Variants in KIRREL3 observed in about 807,000 individuals in gnomAD.
KIRREL3 encodes the protein kirre like nephrin family adhesion molecule 3, also known as kin of IRRE-like protein 3.
KIRREL3 carries 36 observed loss-of-function variants against 89.7 expected under a neutral mutation model. The ratio of observed to expected loss-of-function variants is 0.40; its 90% CI spans 0.31 to 0.53. The LOEUF is 0.53. Among genes scored for constraint, KIRREL3 ranks in the 20% least tolerant of loss-of-function variants. The pLI is 0.49. For missense variants in KIRREL3, 864 were observed against 1,056.6 expected (o/e 0.82, Z 2.53); for synonymous variants, 445 against 441.4 (o/e 1.01, Z -0.10).
At position 126,498,770 on chromosome 11, in the gene KIRREL3, G is replaced by A. The variant is rs1957756783; in HGVS notation, c.433+22545C>T. Among the ~76,000 whole-genome samples, 1 of 152,184 alleles carries A rather than the reference G, an allele frequency of 6.6e-6. No individual in the cohort carries two copies. Among genetic ancestry groups the A allele is most frequent in the African/African-American group, 2.4e-5 (1 of 41,440 alleles). On this transcript the variant is annotated intron_variant, in intron 4 of 16. Transcript: ENST00000525144. The surrounding 1 kb of genome is among the most constrained non-coding windows in gnomAD (Gnocchi z 4.3). Reference sequence around the variant, plus strand: ...GGAGCACCTTCCCTTCTGCACCTAAGGTTGAGTCCCCCTCCCACAGGAGCA... The same window carrying A: ...GGAGCACCTTCCCTTCTGCACCTAAAGTTGAGTCCCCCTCCCACAGGAGCA...
chr11:126,659,066 T>G (rs1171037910), intron 1 of KIRREL3, among the ~76,000 whole-genome samples: 1 of 152,230 alleles, frequency 6.6e-6, no homozygotes, highest in African/African-American at 2.4e-5. Context: ...GTTAGCTAAT[T>G]GCTCTAGTCT....
intron 1 of KIRREL3, among the ~76,000 whole-genome samples, chr11:126,799,370 CTG>C (rs145271358): frequency 5.6e-4 from 4 of 7,206 alleles, no homozygotes; most frequent in East Asian, 3.4e-3. Flanking sequence ...ATCTGTGTAT[CTG>C]TGTGTGCATG....
At chr11:126,952,650 C>T (rs942615127) in intron 1 of KIRREL3, among the ~76,000 whole-genome samples, 2 of 152,136 alleles carry the variant, frequency 1.3e-5, no homozygotes, top group Admixed American at 1.3e-4. Flanking sequence ...TTTGCCCATG[C>T]CTATGTCCTG....
chr11:126,794,561 T>G (rs1169249813), intron 1 of KIRREL3, among the ~76,000 whole-genome samples: 1 of 152,248 alleles, frequency 6.6e-6, no homozygotes, highest in Non-Finnish European at 1.5e-5. Flanking sequence ...AATATTGATT[T>G]GTATTACAAA....
At chr11:126,857,141 A>G (rs1344608720) in intron 1 of KIRREL3, among the ~76,000 whole-genome samples, 1 of 152,190 alleles carries the variant, frequency 6.6e-6, no homozygotes, top group Non-Finnish European at 1.5e-5. Context: ...CATACACTGA[A>G]GGACATGAAG....
At position 126,628,797 on chromosome 11, in the gene KIRREL3, C is replaced by A. The variant is rs926481762; in HGVS notation, c.56-65885G>T. On this transcript the variant is annotated intron_variant, in intron 1 of 16. Coordinates refer to ENST00000525144, the MANE Select transcript of KIRREL3 (RefSeq NM_032531.4). The surrounding 1 kb of genome is among the most constrained non-coding windows in gnomAD (Gnocchi z 5.2). The stretch of plus-strand genomic sequence containing the variant: ...GCTACCTGGAGCCAGGGCCTCGCCT[C>A]TACTGCCCCCTCCGCTCGCTCTGCC... 2.0e-5 allele frequency among the ~76,000 whole-genome samples: 3 copies of A among 152,196 alleles called. No homozygotes were observed. The highest frequency in any genetic ancestry group is 2.1e-4 in the South Asian group (1 of 4,832).
Position 126,740,942 on chromosome 11 carries a change from A to G in KIRREL3, c.56-178030T>C, listed in dbSNP as rs148452629. Reference sequence around the variant, plus strand: ...TGACAAGGTTCTTGGAAATATCATCAGATAGTGCTTACTTTGGGGCTGAGT... The same window carrying G: ...TGACAAGGTTCTTGGAAATATCATCGGATAGTGCTTACTTTGGGGCTGAGT... On this transcript the variant is annotated intron_variant, in intron 1 of 16. Coordinates refer to ENST00000525144, the MANE Select transcript of KIRREL3 (RefSeq NM_032531.4). The surrounding 1 kb of genome is among the most constrained non-coding windows in gnomAD (Gnocchi z 6.0). Among the ~76,000 whole-genome samples the G allele has an allele frequency of 4.1e-3, 621 of 152,276 alleles. 4 individuals carry two copies. The highest frequency in any genetic ancestry group is 0.015 in the African/African-American group (603 of 41,544).
intron 1 of KIRREL3, among the ~76,000 whole-genome samples, chr11:126,810,729 A>G (rs1951356707): frequency 6.6e-6 from 1 of 152,172 alleles, no homozygotes. Context: ...GGCTTATAAA[A>G]TGGGCATCTG....
At position 126,723,502 on chromosome 11, in the gene KIRREL3, C is replaced by T. The variant is rs1948259898; in HGVS notation, c.56-160590G>A. On this transcript the variant is annotated intron_variant, in intron 1 of 16. Transcript: ENST00000525144. This position sits in a 1 kb window ranked among gnomAD's most constrained non-coding sequence, Gnocchi z 4.0. The stretch of plus-strand genomic sequence containing the variant: ...CTGTGGCATCATTAAGCAGCTGGTG[C>T]CAACATTTACCTCACACCTCCCTTA... Among the ~76,000 whole-genome samples, 1 of 152,182 alleles carries T rather than the reference C, an allele frequency of 6.6e-6. No homozygotes were observed. The highest frequency in any genetic ancestry group is 1.5e-5 in the Non-Finnish European group (1 of 68,034).
chr11:126,958,377 C>A (rs761110613), intron 1 of KIRREL3, among the ~76,000 whole-genome samples: 10 of 152,208 alleles, frequency 6.6e-5, no homozygotes, highest in Non-Finnish European at 1.3e-4. Context: ...CATTTGAGCC[C>A]AACTCCCATC....
chr11:127,000,245 C>T lies in KIRREL3; in HGVS notation c.55+210G>A, dbSNP rs1761172211. On this transcript the variant is annotated intron_variant, in intron 1 of 16. Transcript: ENST00000525144. The surrounding 1 kb of genome is among the most constrained non-coding windows in gnomAD (Gnocchi z 7.1). ...GGAGAAAGTCATTCCCCTCCCCTCCCATACCCCTTCTTTCCAAAGGAAAAT... is the reference window on the plus strand; with the variant it reads ...GGAGAAAGTCATTCCCCTCCCCTCCTATACCCCTTCTTTCCAAAGGAAAAT... Among the ~76,000 whole-genome samples, 1 of 152,222 alleles carries T rather than the reference C, an allele frequency of 6.6e-6. No homozygotes were observed. Among genetic ancestry groups the T allele is most frequent in the African/African-American group, 2.4e-5 (1 of 41,460 alleles).
Position 126,531,103 on chromosome 11 carries a change from C to T in KIRREL3, c.134-4416G>A, listed in dbSNP as rs1481223022. On this transcript the variant is annotated intron_variant, in intron 2 of 16. Coordinates refer to ENST00000525144, the MANE Select transcript of KIRREL3 (RefSeq NM_032531.4). This position sits in a 1 kb window ranked among gnomAD's most constrained non-coding sequence, Gnocchi z 4.7. ...TCGACCTCCCAAAGTGTTGGGATTA[C>T]GAGCGTGAGCCACCATGCCCGGCCC... Among the ~76,000 whole-genome samples, 2 of 152,206 alleles carry T rather than the reference C, an allele frequency of 1.3e-5. No individual in the cohort carries two copies. Among genetic ancestry groups the T allele is most frequent in the African/African-American group, 2.4e-5 (1 of 41,532 alleles).
In KIRREL3 at chr11:126,752,128, G is replaced by A. The variant is rs1275181569; in HGVS notation, c.56-189216C>T. 4.6e-5 allele frequency among the ~76,000 whole-genome samples: 7 copies of A among 152,186 alleles called. No homozygotes were observed. The highest frequency in any genetic ancestry group is 1.0e-4 in the Non-Finnish European group (7 of 68,046). ...TTTTTCTTTGCAAAATAGGAACAAT[G>A]ATGATACCTGTCCCTGAGTTATGAA... On this transcript the variant is annotated intron_variant, in intron 1 of 16. Coordinates refer to ENST00000525144, the MANE Select transcript of KIRREL3 (RefSeq NM_032531.4). The surrounding 1 kb of genome is among the most constrained non-coding windows in gnomAD (Gnocchi z 4.8).
At chr11:126,452,479 C>T (rs1041668651) in intron 7 of KIRREL3, among the ~76,000 whole-genome samples, 2 of 152,232 alleles carry the variant, frequency 1.3e-5, no homozygotes, top group African/African-American at 4.8e-5. Flanking sequence ...GCAGGGAGCC[C>T]TGGCTGCTCA....
At chr11:126,973,502 T>G (rs923910545) in intron 1 of KIRREL3, among the ~76,000 whole-genome samples, 52 of 152,198 alleles carry the variant, frequency 3.4e-4, no homozygotes. Context: ...GATCCATTTC[T>G]GTTACAGACT....
chr11:126,713,943 A>C (rs1044127910), intron 1 of KIRREL3, among the ~76,000 whole-genome samples: 3 of 152,134 alleles, frequency 2.0e-5, no homozygotes, highest in African/African-American at 4.8e-5. Flanking sequence ...TCAGCTAAGG[A>C]CTGCAGACCA....
At chr11:126,425,050 T>C (rs766195415) in intron 16 of KIRREL3, 27 bp from the exon 17 acceptor site, 2 of 1,487,748 alleles carry the variant, frequency 1.3e-6, no homozygotes, top group Admixed American at 2.4e-5. Context: ...AAGAGGAGCG[T>C]CACCTGGTGG....
At chr11:126,658,750 T>C (rs1327155300) in intron 1 of KIRREL3, among the ~76,000 whole-genome samples, 1 of 152,188 alleles carries the variant, frequency 6.6e-6, no homozygotes, top group Non-Finnish European at 1.5e-5. Flanking sequence ...CACTTCCTGC[T>C]CCTCCGCCAG....
chr11:126,536,881 G>A (rs1485306226), intron 2 of KIRREL3, among the ~76,000 whole-genome samples: 1 of 152,112 alleles, frequency 6.6e-6, no homozygotes, highest in Non-Finnish European at 1.5e-5. Flanking sequence ...CTGACCTCAA[G>A]TGATCTTCCC....
Sources: gnomAD v4.1 joint callset for allele counts (sites outside exome capture counted in the v4.1 genomes callset) on GRCh38, gnomAD v4.1.1 for gene constraint, Gnocchi (gnomAD v3.1) non-coding constraint, MANE v1.5 for transcripts, NCBI Gene and HGNC (gene_info 2026-07-23, HGNC 2026-07-21) for gene names.